The following NDUFAF6 variants were observed in gnomAD, a reference collection of about 807,000 sequenced individuals.
NDUFAF6 encodes the protein NADH:ubiquinone oxidoreductase complex assembly factor 6.
A neutral mutation model predicts 40.8 loss-of-function variants in NDUFAF6; 45 were observed. That is an observed-to-expected ratio of 1.10 (90% confidence interval 0.87 to 1.42). The LOEUF (loss-of-function observed/expected upper bound fraction) is 1.42, where lower values mean the gene tolerates loss of function less well. NDUFAF6 is among the 40% of genes most tolerant of loss of function. The pLI is 0.00. For synonymous variants in NDUFAF6, 185 were observed against 155.9 expected (o/e 1.19, Z -1.39); for missense variants, 435 against 418.5 (o/e 1.04, Z -0.34).
At chr8:95,063,623 A>AAAG (rs1832625540), downstream of NDUFAF6, among the ~76,000 whole-genome samples, 2 of 152,140 alleles carry the variant, frequency 1.3e-5, no homozygotes, top group African/African-American at 4.8e-5. Flanking sequence ...AAACAAAAAA[A>AAAG]CAGTCCTGCC....
chr8:95,060,464 A>G (rs916047394), downstream of NDUFAF6, among the ~76,000 whole-genome samples: 5 of 152,230 alleles, frequency 3.3e-5, no homozygotes, highest in Admixed American at 6.5e-5. Flanking sequence ...TCAATTGGCA[A>G]TATTCTTTCT....
At chr8:95,039,744 C>T (rs545079704) in intron 3 of NDUFAF6, among the ~76,000 whole-genome samples, 20 of 152,028 alleles carry the variant, frequency 1.3e-4, no homozygotes, top group African/African-American at 4.8e-4. Flanking sequence ...CTGCGTCAGC[C>T]TTCTGAGTAG....
chr8:95,035,716 T>C (rs576906536), intron 3 of NDUFAF6, 140 bp downstream of exon 3: 16 of 821,218 alleles, frequency 1.9e-5, no homozygotes, highest in African/African-American at 1.4e-4. Flanking sequence ...AGAGCTGTTA[T>C]AGTTTTGGCA....
chr8:95,009,059 G>C (rs151032697), intron 2 of NDUFAF6, among the ~76,000 whole-genome samples: 1 of 152,094 alleles, frequency 6.6e-6, no homozygotes, highest in East Asian at 1.9e-4. Flanking sequence ...AATTAGCCTG[G>C]CTTGGTGGCA....
chr8:94,935,124 T>C (rs200712881), intron 1 of NDUFAF6, among the ~76,000 whole-genome samples: 1 of 115,314 alleles, frequency 8.7e-6, no homozygotes, highest in African/African-American at 3.4e-5. Flanking sequence ...CATAGGTAGA[T>C]AGATATAGAT....
intron 7 of NDUFAF6, among the ~76,000 whole-genome samples, chr8:95,051,725 AATG>A (rs1429472998): frequency 1.3e-5 from 2 of 152,108 alleles, no homozygotes; most frequent in South Asian, 2.1e-4. Flanking sequence ...GTAAAAATGA[AATG>A]ATGATGTGAG....
intron 2 of NDUFAF6, among the ~76,000 whole-genome samples, chr8:94,983,846 C>T (rs1419578012): frequency 6.6e-6 from 1 of 152,060 alleles, no homozygotes; most frequent in Admixed American, 6.6e-5. Context: ...GAAGAGTCAC[C>T]AAGGGGCACT....
At chr8:95,049,942 C>T (rs565037831) in intron 7 of NDUFAF6, among the ~76,000 whole-genome samples, 8 of 152,300 alleles carry the variant, frequency 5.3e-5, no homozygotes, top group Non-Finnish European at 1.0e-4. Context: ...ATATTAAATA[C>T]GTAAGTAATC....
chr8:94,930,754 A>G, intron 1 of NDUFAF6: 1 of 1,610,962 alleles, frequency 6.2e-7, no homozygotes, highest in Non-Finnish European at 8.5e-7. Flanking sequence ...GTGGGGATGT[A>G]TTAAATAACA....
chr8:95,079,063 C>T (rs934312595), downstream of NDUFAF6, among the ~76,000 whole-genome samples: 1 of 152,008 alleles, frequency 6.6e-6, no homozygotes, highest in Non-Finnish European at 1.5e-5. Flanking sequence ...CAACCTCCAT[C>T]TCCTCTGTTT....
chr8:94,983,358 A>G (rs1360698760), intron 2 of NDUFAF6, among the ~76,000 whole-genome samples: 3 of 139,960 alleles, frequency 2.1e-5, no homozygotes, highest in Non-Finnish European at 4.5e-5. Flanking sequence ...TCTGCCTTCC[A>G]GGCTCAAGCA....
chr8:95,036,187 TATGG>T (rs1829481908), intron 3 of NDUFAF6: 6 of 741,560 alleles, frequency 8.1e-6, no homozygotes, highest in African/African-American at 1.9e-5. Flanking sequence ...AAAGCAGCTG[TATGG>T]ATCCCTCACT....
upstream of NDUFAF6, among the ~76,000 whole-genome samples, chr8:95,099,921 T>A (rs979777859): frequency 6.6e-6 from 1 of 152,230 alleles, no homozygotes; most frequent in Admixed American, 6.5e-5. Flanking sequence ...TCTAAATGTT[T>A]TCTCTGATGC....
chr8:94,918,250 C>T (rs1819268268), intron 1 of NDUFAF6, among the ~76,000 whole-genome samples: 1 of 152,178 alleles, frequency 6.6e-6, no homozygotes, highest in Non-Finnish European at 1.5e-5. Context: ...AATCTAAACA[C>T]AGAGGGGCTC....
upstream of NDUFAF6, among the ~76,000 whole-genome samples, chr8:95,099,338 G>GAAA (rs10647991): frequency 1.2e-3 from 171 of 141,086 alleles, 1 homozygote; most frequent in African/African-American, 3.7e-3. Context: ...CTTCCAGCTG[G>GAAA]AAAAAAAAAA....
intron 8 of NDUFAF6, among the ~76,000 whole-genome samples, chr8:95,056,905 C>CAA (rs33945993): frequency 0.019 from 2,621 of 140,860 alleles, 72 homozygotes; most frequent in African/African-American, 0.055. Flanking sequence ...GACTCTGTCT[C>CAA]AAAAAAAAAA....
rs144320186 is a variant in NDUFAF6 at position 95,036,397 on chromosome 8, A to G, written c.420+821A>G. ...TCTGCACACCAGCAGAGGCAGGCCC[A>G]GTTTCTGGGCCCCAGATTGACTTCA... is the stretch of plus-strand genomic sequence containing the variant. On this transcript the variant is annotated intron_variant, in intron 3 of 8. Transcript: ENST00000396124. 1.5e-4 allele frequency: 193 copies of G among 1,289,428 alleles called. No individual in the cohort carries two copies. The African/African-American group carries it at 2.7e-3, about 18-fold the overall frequency. 79.9% of individuals were successfully genotyped at this position (1,289,428 alleles called of 1,614,324 possible). A position where few individuals can be genotyped will look rare whatever the true frequency, so the allele number is the denominator to read the frequency against.
intron 4 of NDUFAF6, among the ~76,000 whole-genome samples, chr8:95,043,533 A>G (rs1337446124): frequency 6.6e-6 from 1 of 152,182 alleles, no homozygotes; most frequent in African/African-American, 2.4e-5. Flanking sequence ...TTACAACTCA[A>G]GAATAAAAAA....
chr8:94,982,219 G>A (rs999470753), intron 2 of NDUFAF6, among the ~76,000 whole-genome samples: 3 of 150,656 alleles, frequency 2.0e-5, no homozygotes, highest in Non-Finnish European at 4.4e-5. Flanking sequence ...GCAACAGAGC[G>A]AGACTCCATC....
Sources: gnomAD v4.1 joint callset for allele counts (sites outside exome capture counted in the v4.1 genomes callset) on GRCh38, gnomAD v4.1.1 for gene constraint, MANE v1.5 for transcripts, NCBI Gene and HGNC (gene_info 2026-07-23, HGNC 2026-07-21) for gene names.